The following RIT2 variants were observed in gnomAD, a reference collection of about 807,000 sequenced individuals.
The protein encoded by RIT2 is GTP-binding protein Rit2.
In RIT2, 24 loss-of-function variants were observed where a neutral mutation model predicts 23.7. The ratio of observed to expected loss-of-function variants is 1.01; its 90% CI spans 0.73 to 1.43. RIT2 has a LOEUF of 1.43. Ranked by LOEUF, RIT2 falls within the 40% of genes most tolerant of loss-of-function variation. The pLI, the probability that RIT2 is intolerant of heterozygous loss-of-function variation, is 0.00. For synonymous variants in RIT2, 107 were observed against 91.1 expected (o/e 1.17, Z -0.99); for missense variants, 236 against 266.9 (o/e 0.88, Z 0.81).
chr18:42,753,403 A>G (rs1913091332), intron 4 of RIT2, among the ~76,000 whole-genome samples: 1 of 152,208 alleles, frequency 6.6e-6, no homozygotes, highest in Non-Finnish European at 1.5e-5. Context: ...ATAATTGCTA[A>G]CCTTGAGTGA....
chr18:43,097,742 C>T (rs906115735), intron 1 of RIT2, among the ~76,000 whole-genome samples: 2 of 151,896 alleles, frequency 1.3e-5, no homozygotes, highest in East Asian at 3.9e-4. Context: ...TTTTAAAGAC[C>T]TGAAAAGTGT....
At chr18:43,002,777 TAGG>T (rs1911137496) in intron 2 of RIT2, among the ~76,000 whole-genome samples, 1 of 152,000 alleles carries the variant, frequency 6.6e-6, no homozygotes, top group East Asian at 1.9e-4. Flanking sequence ...CCCCAAAATC[TAGG>T]AGTACATTAC....
intron 2 of RIT2, among the ~76,000 whole-genome samples, chr18:43,025,879 C>T (rs1911705411): frequency 6.6e-6 from 1 of 151,948 alleles, no homozygotes; most frequent in Admixed American, 6.6e-5. Flanking sequence ...TTAAGGGAGA[C>T]AAGGTACAAT....
intron 1 of RIT2, among the ~76,000 whole-genome samples, chr18:43,102,497 C>T (rs995956495): frequency 1.6e-5 from 2 of 121,468 alleles, no homozygotes; most frequent in East Asian, 2.4e-4. Flanking sequence ...TTCTGGTGTG[C>T]GGTGGAAAAA....
At chr18:42,819,244 A>G (rs2143989521) in intron 4 of RIT2, among the ~76,000 whole-genome samples, 1 of 149,400 alleles carries the variant, frequency 6.7e-6, no homozygotes, top group African/African-American at 2.5e-5. Context: ...CACCAATAGG[A>G]TTATGCAAAA....
At chr18:42,927,789 G>A (rs1598718243) in intron 3 of RIT2, among the ~76,000 whole-genome samples, 1 of 151,938 alleles carries the variant, frequency 6.6e-6, no homozygotes, top group East Asian at 1.9e-4. Flanking sequence ...CAACATTCCA[G>A]TATGATCAGT....
chr18:42,995,135 G>T (rs1033163583), intron 2 of RIT2, among the ~76,000 whole-genome samples: 1 of 152,052 alleles, frequency 6.6e-6, no homozygotes, highest in South Asian at 2.1e-4. Context: ...ACCAGCAAAG[G>T]CAGGCTATGC....
rs1906882165 is a variant in RIT2 at position 42,845,456 on chromosome 18, A to T, written c.426+78116T>A. On this transcript the variant is annotated intron_variant, in intron 4 of 4. Coordinates refer to ENST00000326695, the MANE Select transcript of RIT2 (RefSeq NM_002930.4). Reference sequence around the variant, plus strand: ...ATAATTTTATTTTTTTAAGGGAAAAATATAGATTTATATAGACAGTATAAA... The same window carrying T: ...ATAATTTTATTTTTTTAAGGGAAAATTATAGATTTATATAGACAGTATAAA... 2.0e-5 allele frequency among the ~76,000 whole-genome samples: 3 copies of T among 150,446 alleles called. 1 individual carries two copies. The highest frequency in any genetic ancestry group is 2.0e-4 in the Admixed American group (3 of 15,056).
chr18:42,936,361 A>C (rs1435029205), intron 3 of RIT2, among the ~76,000 whole-genome samples: 1 of 152,202 alleles, frequency 6.6e-6, no homozygotes, highest in African/African-American at 2.4e-5. Context: ...TTTTGCCATA[A>C]CAAAAGTAGA....
At chr18:42,857,338 T>C (rs1180700811) in intron 4 of RIT2, among the ~76,000 whole-genome samples, 1 of 152,230 alleles carries the variant, frequency 6.6e-6, no homozygotes, top group African/African-American at 2.4e-5. Context: ...CTAACTCTTT[T>C]TTCTCTATGT....
At chr18:42,777,851 G>A (rs1167017514) in intron 4 of RIT2, among the ~76,000 whole-genome samples, 1 of 152,078 alleles carries the variant, frequency 6.6e-6, no homozygotes, top group African/African-American at 2.4e-5. Flanking sequence ...GGAATTTTTA[G>A]CCAGCATAAA....
chr18:42,825,712 T>C (rs1487456821), intron 4 of RIT2, among the ~76,000 whole-genome samples: 1 of 151,936 alleles, frequency 6.6e-6, no homozygotes, highest in African/African-American at 2.4e-5. Flanking sequence ...TGTATGTATG[T>C]ATATTAATTT....
intron 1 of RIT2, among the ~76,000 whole-genome samples, chr18:43,073,869 C>T (rs751187744): frequency 2.6e-5 from 4 of 152,042 alleles, no homozygotes; most frequent in African/African-American, 4.8e-5. Context: ...CTAGGAATGT[C>T]TCATGGAAGA....
At chr18:43,049,412 C>A (rs535568511) in intron 1 of RIT2, among the ~76,000 whole-genome samples, 8 of 152,192 alleles carry the variant, frequency 5.3e-5, no homozygotes, top group Non-Finnish European at 7.4e-5. Flanking sequence ...TAGATATGTT[C>A]TTTTTATTTC....
At chr18:43,046,564 C>T (rs4359539) in intron 1 of RIT2, among the ~76,000 whole-genome samples, 4 of 152,088 alleles carry the variant, frequency 2.6e-5, no homozygotes, top group Non-Finnish European at 5.9e-5. Context: ...CTAGAGACTG[C>T]GAACATGGTG....
At chr18:42,832,564 A>G (rs932547634) in intron 4 of RIT2, among the ~76,000 whole-genome samples, 2 of 152,170 alleles carry the variant, frequency 1.3e-5, no homozygotes, top group Non-Finnish European at 2.9e-5. Flanking sequence ...ATTTTTGTAC[A>G]TATTTATGGG....
chr18:43,108,242 A>G (rs1001398358), intron 1 of RIT2, among the ~76,000 whole-genome samples: 1 of 152,002 alleles, frequency 6.6e-6, no homozygotes, highest in Non-Finnish European at 1.5e-5. Context: ...AAAAATAAAA[A>G]CTTTCAGGTG....
chr18:43,100,416 T>C (rs929737245), intron 1 of RIT2, among the ~76,000 whole-genome samples: 42 of 152,130 alleles, frequency 2.8e-4, no homozygotes, highest in Non-Finnish European at 1.9e-4. Context: ...AGAAGTGACA[T>C]TGGCTGTTAA....
At chr18:42,883,053 C>A (rs181772372) in intron 4 of RIT2, among the ~76,000 whole-genome samples, 1 of 151,772 alleles carries the variant, frequency 6.6e-6, no homozygotes, top group Non-Finnish European at 1.5e-5. Context: ...CCAATAGATA[C>A]GTGTTTACGA....
Sources: allele counts gnomAD v4.1 joint callset (sites outside exome capture counted in the v4.1 genomes callset), GRCh38; gene constraint gnomAD v4.1.1; transcripts MANE v1.5; gene names NCBI Gene and HGNC (gene_info 2026-07-23, HGNC 2026-07-21).